Variants in NCOA5 observed in about 807,000 individuals in gnomAD.
The protein encoded by NCOA5 is nuclear receptor coactivator 5.
A neutral mutation model predicts 59.0 loss-of-function variants in NCOA5; 12 were observed. The ratio of observed to expected loss-of-function variants is 0.20; its 90% confidence interval spans 0.13 to 0.33. The LOEUF (loss-of-function observed/expected upper bound fraction) is 0.33, where lower values mean the gene tolerates loss of function less well. Ranked by LOEUF, NCOA5 falls within the 10% of genes least tolerant of loss-of-function variation. NCOA5 has a pLI of 1.00. For synonymous variants in NCOA5, 270 were observed against 275.5 expected, an observed-to-expected ratio of 0.98 and a Z score of 0.20; for missense variants, 655 against 766.6, an observed-to-expected ratio of 0.85 and a Z score of 1.72.
chr20:46,078,601 A>G (rs186954023), intron 2 of NCOA5, among the ~76,000 whole-genome samples: 14 of 152,340 alleles, frequency 9.2e-5, no homozygotes, highest in African/African-American at 2.4e-4. Context: ...GAAATATATC[A>G]TATCTGTCTG....
rs184130092 is a variant in NCOA5 at position 46,075,547 on chromosome 20, G to T, written c.38+3840C>A. On this transcript the variant is annotated intron_variant, in intron 2 of 7. Coordinates refer to ENST00000290231, the MANE Select transcript of NCOA5 (RefSeq NM_020967.3). ...GTTTAACATCTTTCACAAATATATGGGGAAAAATCCTCTGCAGAGCGTTGG... is the reference window on the plus strand; with the variant it reads ...GTTTAACATCTTTCACAAATATATGTGGAAAAATCCTCTGCAGAGCGTTGG... Among the ~76,000 whole-genome samples the T allele has an allele frequency of 4.6e-5, 7 of 152,242 alleles. No individual in the cohort carries two copies. In the East Asian group the frequency reaches 1.2e-3, roughly 25 times the overall value.
chr20:46,065,690 G>C (rs2084815861), intron 5 of NCOA5, among the ~76,000 whole-genome samples: 1 of 152,140 alleles, frequency 6.6e-6, no homozygotes, highest in African/African-American at 2.4e-5. Context: ...AATAAAACAG[G>C]AGTAACATGG....
At position 46,062,153 on chromosome 20, in the gene NCOA5, CAGA is replaced by C. The variant is rs1457093815; in HGVS notation, c.*144_*146del. The C allele has an allele frequency of 9.6e-6, 6 of 622,066 alleles. No homozygotes were observed. Among genetic ancestry groups the C allele is most frequent in the Non-Finnish European group, 1.7e-5 (6 of 359,570 alleles). The allele number at this position is 622,066 out of a possible 1,614,324, so 38.5% of individuals were successfully genotyped here. ...AAGGAATAAGCAACACAGCCTTGGGCAGAAGAGAGAGCAGGTGGTAGAAATTGA... is the reference window on the plus strand; with the variant it reads ...AAGGAATAAGCAACACAGCCTTGGGCAGAGAGAGCAGGTGGTAGAAATTGA... On this transcript the variant is annotated 3_prime_UTR_variant, in exon 8 of 8. Coordinates refer to ENST00000290231, the MANE Select transcript of NCOA5 (RefSeq NM_020967.3).
intron 3 of NCOA5, 65 bp from the exon 4 acceptor site, chr20:46,068,703 G>C: frequency 6.6e-7 from 1 of 1,508,332 alleles, no homozygotes; most frequent in Non-Finnish European, 9.0e-7. Flanking sequence ...GTCACCTAGA[G>C]AATTCTCTGG....
At chr20:46,069,582 T>C (rs1484315231) in intron 3 of NCOA5, among the ~76,000 whole-genome samples, 2 of 152,098 alleles carry the variant, frequency 1.3e-5, no homozygotes, top group Non-Finnish European at 2.9e-5. Flanking sequence ...TACAAAAAAA[T>C]TAGCCAGGTG....
chr20:46,079,812 GA>G (rs1385148561), intron 1 of NCOA5, among the ~76,000 whole-genome samples: 10 of 152,156 alleles, frequency 6.6e-5, no homozygotes, highest in Non-Finnish European at 1.5e-4. Context: ...TTCTTTTTGT[GA>G]GGAAGAAAGT....
chr20:46,073,810 T>C (rs2084909025), intron 2 of NCOA5, among the ~76,000 whole-genome samples: 1 of 152,210 alleles, frequency 6.6e-6, no homozygotes, highest in Non-Finnish European at 1.5e-5. Context: ...TGAAAAACCT[T>C]ACTTACCTGT....
chr20:46,081,229 A>C (rs1728652045), intron 1 of NCOA5, among the ~76,000 whole-genome samples: 1 of 152,136 alleles, frequency 6.6e-6, no homozygotes, highest in South Asian at 2.1e-4. Context: ...TCACATCTAA[A>C]CACTGACTAG....
At chr20:46,079,257 T>G in intron 2 of NCOA5, 130 bp downstream of exon 2, 1 of 848,718 alleles carries the variant, frequency 1.2e-6, no homozygotes, top group Non-Finnish European at 2.0e-6. Flanking sequence ...CACACAGGGT[T>G]CATGTTCTTA....
At chr20:46,076,560 A>G (rs1036469142) in intron 2 of NCOA5, among the ~76,000 whole-genome samples, 4 of 152,006 alleles carry the variant, frequency 2.6e-5, no homozygotes, top group African/African-American at 9.7e-5. Flanking sequence ...TACAATGTTA[A>G]ATTTGTCTTT....
intron 2 of NCOA5, among the ~76,000 whole-genome samples, chr20:46,078,586 C>T (rs554619288): frequency 1.7e-4 from 26 of 152,160 alleles, no homozygotes; most frequent in Admixed American, 3.9e-4. Context: ...ATATATCATT[C>T]GTATGAAATA....
intron 1 of NCOA5, among the ~76,000 whole-genome samples, chr20:46,085,386 A>G (rs544884596): frequency 2.0e-5 from 3 of 152,204 alleles, no homozygotes; most frequent in African/African-American, 2.4e-5. Flanking sequence ...TTACAATACA[A>G]TCTAAAGTGG....
intron 3 of NCOA5, among the ~76,000 whole-genome samples, chr20:46,069,786 C>G (rs902287350): frequency 6.6e-6 from 1 of 151,828 alleles, no homozygotes; most frequent in Non-Finnish European, 1.5e-5. Context: ...AGTGTTTTTA[C>G]CTTTTGGTTA....
At chr20:46,084,590 T>C (rs2085027346) in intron 1 of NCOA5, among the ~76,000 whole-genome samples, 1 of 152,230 alleles carries the variant, frequency 6.6e-6, no homozygotes, top group Non-Finnish European at 1.5e-5. Flanking sequence ...ACCTTTCTTA[T>C]TCTTTTAAGG....
intron 1 of NCOA5, among the ~76,000 whole-genome samples, chr20:46,088,245 T>C (rs907690761): frequency 1.3e-4 from 20 of 152,240 alleles, no homozygotes; most frequent in African/African-American, 4.6e-4. Context: ...CAATGAGCCT[T>C]GCAATATGGA....
chr20:46,073,059 T>G (rs2084901724), intron 2 of NCOA5, among the ~76,000 whole-genome samples: 1 of 152,216 alleles, frequency 6.6e-6, no homozygotes. Context: ...AGAAGTTCTC[T>G]TGAAGGCTTT....
intron 1 of NCOA5, among the ~76,000 whole-genome samples, chr20:46,088,794 CAGA>C (rs1311780857): frequency 6.6e-6 from 1 of 152,206 alleles, no homozygotes; most frequent in African/African-American, 2.4e-5. Context: ...GAGTGCAAGC[CAGA>C]AGAACCACAA....
chr20:46,064,962 T>G, intron 6 of NCOA5, 67 bp downstream of exon 6: 1 of 1,547,416 alleles, frequency 6.5e-7, no homozygotes, highest in Non-Finnish European at 8.9e-7. Context: ...AAAACCTGCT[T>G]CTTCTGAGTA....
rs775341318 is a variant in NCOA5, at chr20:46,070,286, T to G, written c.289A>C (p.Arg97=). The G allele has an allele frequency of 6.2e-7, 1 of 1,614,110 alleles. No homozygotes were observed. Among genetic ancestry groups the G allele is most frequent in the Non-Finnish European group, 8.5e-7 (1 of 1,180,028 alleles). The change falls in exon 3 of 8, where the codon AGG becomes CGG. Residue 97 remains arginine (R), a synonymous_variant. Transcript: ENST00000290231. ...LRDFRDLRDS[R]DFRDQRDPMY... is the part of the protein sequence containing the mutation. ...GGGTCTCGCTGATCTCGAAAATCCC[T>G]AGAGTCTCTTAGATCACGAAAGTCT...
Sources: gnomAD v4.1 joint callset for allele counts (sites outside exome capture counted in the v4.1 genomes callset) on GRCh38, gnomAD v4.1.1 for gene constraint, MANE v1.5 for transcripts, NCBI Gene and HGNC (gene_info 2026-07-23, HGNC 2026-07-21) for gene names.